The following TLK1 variants were observed in gnomAD, a reference collection of about 807,000 sequenced individuals.
TLK1 encodes the protein tousled like kinase 1, also known as serine/threonine-protein kinase tousled-like 1.
TLK1 carries 24 observed loss-of-function variants against 105.3 expected under a neutral mutation model. That is an observed-to-expected ratio of 0.23 (90% CI 0.17 to 0.32). The LOEUF is 0.32. TLK1 is among the 10% of genes least tolerant of loss of function. The pLI is 1.00. For synonymous variants in TLK1, 321 were observed against 310.4 expected (o/e 1.03, Z -0.36); for missense variants, 558 against 910.5 (o/e 0.61, Z 4.98).
At chr2:171,043,466 G>C (rs1206942690) in intron 11 of TLK1, among the ~76,000 whole-genome samples, 2 of 152,142 alleles carry the variant, frequency 1.3e-5, no homozygotes, top group Non-Finnish European at 1.5e-5. Context: ...TCAAGTACTG[G>C]AGAGCTTTGT....
chr2:171,180,570 G>T (rs1355516325), intron 1 of TLK1, among the ~76,000 whole-genome samples: 1 of 152,094 alleles, frequency 6.6e-6, no homozygotes, highest in Non-Finnish European at 1.5e-5. Context: ...GGATAATTCA[G>T]TGCATCTTCA....
intron 3 of TLK1, among the ~76,000 whole-genome samples, chr2:171,081,302 TCTAA>T (rs1390719935): frequency 4.6e-5 from 7 of 152,226 alleles, no homozygotes; most frequent in East Asian, 3.8e-4. Context: ...TGATAAGTGA[TCTAA>T]CTTTCACCAT....
chr2:171,164,104 A>C (rs1692564274), upstream of TLK1, among the ~76,000 whole-genome samples: 1 of 152,208 alleles, frequency 6.6e-6, no homozygotes, highest in Admixed American at 6.5e-5. Flanking sequence ...ATACATGATC[A>C]ACTTACTTTA....
intron 1 of TLK1, among the ~76,000 whole-genome samples, chr2:171,196,582 C>A (rs1157981700): frequency 1.3e-5 from 2 of 152,116 alleles, no homozygotes; most frequent in East Asian, 3.8e-4. Flanking sequence ...TTTTCTATGT[C>A]CGCTCTCGCA....
chr2:171,175,256 A>G (rs1404465665), intron 1 of TLK1, among the ~76,000 whole-genome samples: 2 of 152,234 alleles, frequency 1.3e-5, no homozygotes, highest in African/African-American at 4.8e-5. Context: ...AGCCCTCCGT[A>G]TTCATGGTAT....
intron 2 of TLK1, among the ~76,000 whole-genome samples, chr2:171,111,658 T>C (rs1460329004): frequency 1.3e-5 from 2 of 151,234 alleles, no homozygotes; most frequent in African/African-American, 4.9e-5. Flanking sequence ...TGTCTACTCA[T>C]ATTCTCATGA....
chr2:171,004,205 C>T (rs368849959), intron 18 of TLK1, among the ~76,000 whole-genome samples: 12 of 152,092 alleles, frequency 7.9e-5, no homozygotes, highest in Admixed American at 1.3e-4. Flanking sequence ...TCAAGTGATC[C>T]GCCCGCCTCA....
At chr2:171,074,154 C>T (rs929383315) in intron 3 of TLK1, among the ~76,000 whole-genome samples, 3 of 152,142 alleles carry the variant, frequency 2.0e-5, no homozygotes, top group Admixed American at 1.3e-4. Context: ...GTCTTCCAAA[C>T]TGCTGGGATT....
chr2:171,160,545 TGGGAG>T lies in TLK1; in HGVS notation c.-122_-118del. 7.1e-7 allele frequency: 1 copy of T among 1,409,030 alleles called. No individual in the cohort carries two copies. Among genetic ancestry groups the T allele is most frequent in the African/African-American group, 1.8e-5 (1 of 54,450 alleles). The allele number at this position is 1,409,030 out of a possible 1,614,324, so 87.3% of individuals were successfully genotyped here. On this transcript the variant is annotated 5_prime_UTR_variant, in exon 1 of 21. Transcript: ENST00000431350. The surrounding 1 kb of genome is among the most constrained non-coding windows in gnomAD (Gnocchi z 4.4). ...TGAGGGCGAGCGAGAGAGCGAGGGC[TGGGAG>T]GGGAGAGTCAAGGGGATGGGGGAGG... is the stretch of plus-strand genomic sequence containing the variant.
chr2:171,099,635 T>C (rs1689605884), intron 2 of TLK1, among the ~76,000 whole-genome samples: 2 of 152,320 alleles, frequency 1.3e-5, no homozygotes, highest in South Asian at 2.1e-4. Flanking sequence ...CAACACAGTG[T>C]GGTATGGCGA....
intron 1 of TLK1, among the ~76,000 whole-genome samples, chr2:171,186,831 G>A (rs1036910248): frequency 6.6e-6 from 1 of 152,076 alleles, no homozygotes; most frequent in Non-Finnish European, 1.5e-5. Flanking sequence ...AGGCCGAGAC[G>A]GGTGGATCAC....
At chr2:171,072,541 T>C (rs1407129833) in intron 3 of TLK1, among the ~76,000 whole-genome samples, 3 of 151,958 alleles carry the variant, frequency 2.0e-5, no homozygotes, top group Admixed American at 6.6e-5. Context: ...GTGGATCACC[T>C]GAGGTCAAGA....
chr2:171,174,844 T>A (rs1219039398), intron 1 of TLK1, among the ~76,000 whole-genome samples: 1 of 151,722 alleles, frequency 6.6e-6, no homozygotes. Context: ...TTCACCATCT[T>A]TTTTTTTAAG....
upstream of TLK1, among the ~76,000 whole-genome samples, chr2:171,165,301 A>G (rs1183949324): frequency 6.6e-6 from 1 of 152,302 alleles, no homozygotes; most frequent in South Asian, 2.1e-4. Context: ...GGCTCTGTCA[A>G]TGTTGTGGAA....
chr2:171,208,654 G>C (rs1298198935), intron 1 of TLK1, among the ~76,000 whole-genome samples: 9 of 152,158 alleles, frequency 5.9e-5, no homozygotes, highest in Admixed American at 5.9e-4. Context: ...ATTAATCCTA[G>C]TGCTGCTAAA....
At chr2:171,025,515 C>T (rs974505929) in intron 12 of TLK1, among the ~76,000 whole-genome samples, 3 of 152,168 alleles carry the variant, frequency 2.0e-5, no homozygotes, top group Middle Eastern at 3.4e-3. Context: ...AAATCTAAAC[C>T]GTAAACTGAC....
chr2:171,187,057 CAAAAAAAAAAAAAAAAAAAAAAAAAAGAA>C (rs1166294317), intron 1 of TLK1, among the ~76,000 whole-genome samples: 1 of 34,034 alleles, frequency 2.9e-5, no homozygotes, highest in African/African-American at 1.4e-4. Context: ...GACTCTGTCT[CAAAAAAAAAAAAAAAAAAAAAAAAAAGAA>C]AAAGAAAAAG....
chr2:171,127,961 T>A (rs766618456), intron 1 of TLK1, among the ~76,000 whole-genome samples: 2 of 152,126 alleles, frequency 1.3e-5, no homozygotes, highest in Non-Finnish European at 2.9e-5. Flanking sequence ...CAACAGTAAG[T>A]ATAGAAAGTC....
intron 1 of TLK1, among the ~76,000 whole-genome samples, chr2:171,118,603 GTTA>G (rs1485396773): frequency 3.3e-5 from 5 of 152,130 alleles, no homozygotes; most frequent in Non-Finnish European, 5.9e-5. Flanking sequence ...TGATGTTATT[GTTA>G]TTATGCAGAC....
Sources: allele counts gnomAD v4.1 joint callset (sites outside exome capture counted in the v4.1 genomes callset), GRCh38; gene constraint gnomAD v4.1.1; non-coding constraint Gnocchi (gnomAD v3.1); transcripts MANE v1.5; gene names NCBI Gene and HGNC (gene_info 2026-07-23, HGNC 2026-07-21).